CDH20: variants seen among roughly 807,000 people sequenced by gnomAD.
CDH20 encodes cadherin-20.
Under a neutral mutation model 74.2 loss-of-function variants are expected in CDH20, and 29 were observed. That is an observed-to-expected ratio of 0.39 (90% CI 0.29 to 0.53). The LOEUF is 0.53. CDH20 is among the 20% of genes least tolerant of loss of function. The probability of loss-of-function intolerance (pLI) is 0.69; values close to 1 mark genes in which losing one functional copy is unlikely to be tolerated. For synonymous variants in CDH20, 469 were observed against 405.4 expected (o/e 1.16, Z -1.88); for missense variants, 988 against 1,048.3 (o/e 0.94, Z 0.79).
At chr18:61,425,725 A>G (rs1913047914) in intron 1 of CDH20, among the ~76,000 whole-genome samples, 1 of 152,212 alleles carries the variant, frequency 6.6e-6, no homozygotes, top group African/African-American at 2.4e-5. Flanking sequence ...GGTGAGTGAT[A>G]AAACATTACA....
chr18:61,513,860 G>C (rs1391511500), intron 6 of CDH20, among the ~76,000 whole-genome samples: 2 of 140,568 alleles, frequency 1.4e-5, no homozygotes, highest in Admixed American at 1.4e-4. Context: ...GGTTTCTGCC[G>C]AGAGATCCGC....
chr18:61,368,849 T>C (rs1024884047), intron 1 of CDH20, among the ~76,000 whole-genome samples: 8 of 138,616 alleles, frequency 5.8e-5, no homozygotes, highest in African/African-American at 2.2e-4. Flanking sequence ...AAATAGAAAC[T>C]AGTTCTTTTT....
chr18:61,447,983 C>A (rs1191072463), intron 1 of CDH20, among the ~76,000 whole-genome samples: 2 of 152,152 alleles, frequency 1.3e-5, no homozygotes, highest in Non-Finnish European at 2.9e-5. Context: ...AACAAGGACT[C>A]AATGCTGGTT....
At chr18:61,475,827 C>G (rs1022919742) in intron 1 of CDH20, among the ~76,000 whole-genome samples, 10 of 149,158 alleles carry the variant, frequency 6.7e-5, no homozygotes, top group Non-Finnish European at 1.2e-4. Context: ...ATAGAATTCT[C>G]TTCTTTAGAG....
At chr18:61,535,515 G>A (rs1912791474) in intron 7 of CDH20, among the ~76,000 whole-genome samples, 1 of 151,844 alleles carries the variant, frequency 6.6e-6, no homozygotes, top group Non-Finnish European at 1.5e-5. Flanking sequence ...AGATAACACA[G>A]GTGAGATAAC....
At chr18:61,359,529 T>G (rs1244789759) in intron 1 of CDH20, among the ~76,000 whole-genome samples, 1 of 152,142 alleles carries the variant, frequency 6.6e-6, no homozygotes, top group Non-Finnish European at 1.5e-5. Flanking sequence ...CACTCTCACT[T>G]CACTGAACAA....
intron 1 of CDH20, among the ~76,000 whole-genome samples, chr18:61,434,236 AG>A (rs1262373226): frequency 6.6e-6 from 1 of 152,160 alleles, no homozygotes; most frequent in East Asian, 1.9e-4. Flanking sequence ...TTCATCTATT[AG>A]AAGAAGTCCA....
chr18:61,492,769 T>G (rs988436149), intron 2 of CDH20, among the ~76,000 whole-genome samples: 1 of 152,188 alleles, frequency 6.6e-6, no homozygotes, highest in Non-Finnish European at 1.5e-5. Context: ...ACCACCATAT[T>G]TGTTTCTTAT....
chr18:61,405,012 A>G (rs1289360537), intron 1 of CDH20: 1 of 704,000 alleles, frequency 1.4e-6, no homozygotes. Context: ...TTTGACCAAC[A>G]TTGCATAGTA....
chr18:61,370,881 A>ATTGTG (rs1056703805), intron 1 of CDH20, among the ~76,000 whole-genome samples: 8 of 152,134 alleles, frequency 5.3e-5, no homozygotes, highest in Admixed American at 5.2e-4. Context: ...TCAATTTTTA[A>ATTGTG]GTCAAAAACC....
At chr18:61,378,803 G>T (rs778308376) in intron 1 of CDH20, among the ~76,000 whole-genome samples, 2 of 152,152 alleles carry the variant, frequency 1.3e-5, no homozygotes, top group Non-Finnish European at 2.9e-5. Context: ...AATTTCTAAA[G>T]AACTGGCATT....
intron 10 of CDH20, among the ~76,000 whole-genome samples, chr18:61,546,212 A>G (rs1913243963): frequency 6.6e-6 from 1 of 152,222 alleles, no homozygotes; most frequent in Non-Finnish European, 1.5e-5. Context: ...AGCAAAGGGT[A>G]ACAAAAAGTC....
intron 1 of CDH20, among the ~76,000 whole-genome samples, chr18:61,403,449 C>T (rs997265677): frequency 6.6e-6 from 1 of 152,174 alleles, no homozygotes; most frequent in African/African-American, 2.4e-5. Flanking sequence ...AACAAAACAC[C>T]TAGATGTAGC....
chr18:61,390,527 A>G (rs1568121537), intron 1 of CDH20, among the ~76,000 whole-genome samples: 1 of 152,188 alleles, frequency 6.6e-6, no homozygotes. Context: ...AATAACCAGG[A>G]AGACTTGACA....
chr18:61,472,630 A>G (rs1020622210), intron 1 of CDH20, among the ~76,000 whole-genome samples: 10 of 152,232 alleles, frequency 6.6e-5, no homozygotes, highest in Admixed American at 6.5e-5. Flanking sequence ...AAGATTGGTC[A>G]ATGAAATAGA....
intron 1 of CDH20, among the ~76,000 whole-genome samples, chr18:61,444,148 T>A (rs1427933270): frequency 1.3e-5 from 2 of 152,122 alleles, no homozygotes; most frequent in Non-Finnish European, 2.9e-5. Context: ...TTATGGTCCA[T>A]CTCTCTGTCA....
chr18:61,426,358 A>C (rs963104228), intron 1 of CDH20, among the ~76,000 whole-genome samples: 1 of 152,144 alleles, frequency 6.6e-6, no homozygotes, highest in Non-Finnish European at 1.5e-5. Flanking sequence ...CAAGAGGGCA[A>C]AGGACATAAA....
At chr18:61,367,119 T>C (rs1405164589) in intron 1 of CDH20, among the ~76,000 whole-genome samples, 4 of 152,172 alleles carry the variant, frequency 2.6e-5, no homozygotes, top group Non-Finnish European at 4.4e-5. Context: ...GTGCACACTT[T>C]TAAAACATTT....
At chr18:61,336,238 G>A (rs2144078865) in intron 1 of CDH20, among the ~76,000 whole-genome samples, 1 of 152,322 alleles carries the variant, frequency 6.6e-6, no homozygotes, top group Admixed American at 6.5e-5. Context: ...TCAGATTCAG[G>A]AAGAGGACTC....
Sources: allele counts gnomAD v4.1 joint callset (sites outside exome capture counted in the v4.1 genomes callset), GRCh38; gene constraint gnomAD v4.1.1; transcripts MANE v1.5; gene names NCBI Gene and HGNC (gene_info 2026-07-23, HGNC 2026-07-21).